CCND3: variants seen among roughly 807,000 people sequenced by gnomAD.
CCND3 encodes G1/S-specific cyclin-D3.
A neutral mutation model predicts 28.7 loss-of-function variants in CCND3; 9 were observed. The ratio of observed to expected loss-of-function variants is 0.31; its 90% CI spans 0.19 to 0.55. The LOEUF (loss-of-function observed/expected upper bound fraction) is 0.55, where lower values mean the gene tolerates loss of function less well. CCND3 is among the 20% of genes least tolerant of loss of function. CCND3 has a pLI of 0.93. For synonymous variants in CCND3, 164 were observed against 163.9 expected, an observed-to-expected ratio of 1.00 and a Z score of 0.00; for missense variants, 315 against 385.8, an observed-to-expected ratio of 0.82 and a Z score of 1.54.
chr6:42,004,657 G>A (rs1456530948), intron 1 of CCND3, among the ~76,000 whole-genome samples: 1 of 152,132 alleles, frequency 6.6e-6, no homozygotes, highest in Admixed American at 6.6e-5. Flanking sequence ...TTGAACCCGG[G>A]AGGCAGAAGT....
intron 1 of CCND3, among the ~76,000 whole-genome samples, chr6:41,997,294 C>T (rs1762837687): frequency 6.6e-6 from 1 of 152,150 alleles, no homozygotes; most frequent in African/African-American, 2.4e-5. Context: ...CCAGTTAGTA[C>T]TTTCAGAGGA....
chr6:41,945,886 G>C (rs6922494), upstream of CCND3, among the ~76,000 whole-genome samples: 1,802 of 152,310 alleles, frequency 0.012, 39 homozygotes, highest in African/African-American at 0.041. Flanking sequence ...TTTCTGAAAT[G>C]ATTATTATTA....
In CCND3 at chr6:42,009,531, G is replaced by A. The variant is rs1763276217; in HGVS notation, c.-46+38970C>T. Among the ~76,000 whole-genome samples the A allele has an allele frequency of 1.3e-5, 2 of 152,238 alleles. 1 individual carries two copies. Among genetic ancestry groups the A allele is most frequent in the South Asian group, 4.1e-4 (2 of 4,834 alleles). ...GGAGGCTGAGGCAAGAGAATCACTT[G>A]AATCTGGGAGGCGGAGGTTGCAGTG... On this transcript the variant is annotated intron_variant, in intron 1 of 4. Coordinates refer to the CCND3 transcript ENST00000372988.
At chr6:41,966,741 C>T (rs1227864426) in intron 1 of CCND3, among the ~76,000 whole-genome samples, 1 of 152,182 alleles carries the variant, frequency 6.6e-6, no homozygotes, top group African/African-American at 2.4e-5. Flanking sequence ...AATCAACCAT[C>T]TACTGAGTCA....
intron 1 of CCND3, among the ~76,000 whole-genome samples, chr6:41,974,911 G>C (rs568235708): frequency 1.3e-4 from 19 of 150,062 alleles, no homozygotes; most frequent in African/African-American, 4.4e-4. Context: ...TCCTGCCTCA[G>C]CCTCCCGAGT....
chr6:41,988,906 A>T (rs966276652), intron 1 of CCND3, among the ~76,000 whole-genome samples: 28 of 149,742 alleles, frequency 1.9e-4, no homozygotes, highest in African/African-American at 6.8e-4. Context: ...TCACTGTGTT[A>T]GCCAGGATGG....
intron 1 of CCND3, among the ~76,000 whole-genome samples, chr6:41,949,995 C>T (rs1052941438): frequency 8.7e-5 from 13 of 148,820 alleles, no homozygotes; most frequent in South Asian, 4.2e-4. Context: ...CCCAGCTACT[C>T]GGGAGGCTGA....
At chr6:41,976,333 C>T (rs1762184757) in intron 1 of CCND3, among the ~76,000 whole-genome samples, 1 of 151,192 alleles carries the variant, frequency 6.6e-6, no homozygotes, top group African/African-American at 2.4e-5. Flanking sequence ...GCCTGGGCGA[C>T]AGAGCAAGAC....
chr6:41,935,853 A>T lies in CCND3; in HGVS notation c.*87T>A. On this transcript the variant is annotated 3_prime_UTR_variant, in exon 5 of 5. Coordinates refer to ENST00000372991, the MANE Select transcript of CCND3 (RefSeq NM_001760.5). ...GGGGAACAGACGCCCCTTCAGGCTT[A>T]GATGTGGTGTGGTTCCTGGAGGCAG... is the stretch of plus-strand genomic sequence containing the variant. 3 of 1,253,488 alleles carry T rather than the reference A, an allele frequency of 2.4e-6. No individual in the cohort carries two copies. Among genetic ancestry groups the T allele is most frequent in the Non-Finnish European group, 3.4e-6 (3 of 879,938 alleles). 77.6% of individuals were successfully genotyped at this position (1,253,488 alleles called of 1,614,324 possible).
At chr6:41,959,256 G>A (rs1309129820) in intron 1 of CCND3, among the ~76,000 whole-genome samples, 2 of 152,170 alleles carry the variant, frequency 1.3e-5, no homozygotes, top group Non-Finnish European at 2.9e-5. Context: ...GGAGGTTGCG[G>A]TGAGCCGAGA....
chr6:42,013,849 G>A (rs774755586), intron 1 of CCND3, among the ~76,000 whole-genome samples: 13 of 151,968 alleles, frequency 8.6e-5, no homozygotes, highest in African/African-American at 2.2e-4. Context: ...CGAGGCAGGC[G>A]GATCACGAGG....
chr6:41,946,639 T>G (rs902982642), upstream of CCND3, among the ~76,000 whole-genome samples: 2 of 98,730 alleles, frequency 2.0e-5, no homozygotes, highest in Admixed American at 2.2e-4. Flanking sequence ...TAAACCAAAC[T>G]ACATATAATT....
rs966599535 is a variant in CCND3 at position 41,939,514 on chromosome 6, C to T, written c.414+856G>A. ...GGACAGAACCGGTGACTTTCCTGCC[C>T]GGCCTGAGCCCAGCCCAAGTTTCCA... On this transcript the variant is annotated intron_variant, in intron 2 of 4. Transcript: ENST00000372991. This position sits in a 1 kb window ranked among gnomAD's most constrained non-coding sequence, Gnocchi z 4.2. 1.3e-5 allele frequency among the ~76,000 whole-genome samples: 2 copies of T among 152,202 alleles called. No individual in the cohort carries two copies. The highest frequency in any genetic ancestry group is 3.8e-4 in the East Asian group (2 of 5,196).
At chr6:42,034,596 G>C (rs1413063238) in intron 1 of CCND3, among the ~76,000 whole-genome samples, 1 of 143,488 alleles carries the variant, frequency 7.0e-6, no homozygotes, top group Non-Finnish European at 1.5e-5. Context: ...CCCTGCCTCA[G>C]CCTCCCGAGT....
chr6:41,976,983 C>A (rs549325804), intron 1 of CCND3, among the ~76,000 whole-genome samples: 1 of 152,268 alleles, frequency 6.6e-6, no homozygotes, highest in Non-Finnish European at 1.5e-5. Flanking sequence ...AAGAACCGTA[C>A]AACAGTTGTA....
rs566568881 is a variant in CCND3 at position 41,990,362 on chromosome 6, T to A, written c.-45-49777A>T. ...GGAAGAATTAATATTGTTAAAATGATCGTATTACCAAAAGCAATCTACAGA... is the reference window on the plus strand; with the variant it reads ...GGAAGAATTAATATTGTTAAAATGAACGTATTACCAAAAGCAATCTACAGA... On this transcript the variant is annotated intron_variant, in intron 1 of 4. Coordinates refer to the CCND3 transcript ENST00000372988. Among the ~76,000 whole-genome samples, 3 of 152,176 alleles carry A rather than the reference T, an allele frequency of 2.0e-5. No homozygotes were observed. The South Asian group carries it at 6.2e-4, about 32-fold the overall frequency.
At chr6:42,020,006 C>T (rs1362495060) in intron 1 of CCND3, among the ~76,000 whole-genome samples, 2 of 152,064 alleles carry the variant, frequency 1.3e-5, no homozygotes, top group Admixed American at 6.6e-5. Context: ...TTGCCGGGAG[C>T]GGTGGCTCAC....
rs149810322 is a variant in CCND3, at chr6:41,951,367, A to T, written c.-45-10782T>A. 2.4e-3 allele frequency among the ~76,000 whole-genome samples: 358 copies of T among 151,788 alleles called. 1 individual carries two copies. The highest frequency in any genetic ancestry group is 7.8e-3 in the African/African-American group (322 of 41,440). The stretch of plus-strand genomic sequence containing the variant: ...CAAGAGATCGAGACCAACCTGGCCA[A>T]TATGGTGAAACCCCGTCTGTACTAA... On this transcript the variant is annotated intron_variant, in intron 1 of 4. Coordinates refer to the CCND3 transcript ENST00000372988.
At chr6:42,034,944 A>G (rs1018477012) in intron 1 of CCND3, among the ~76,000 whole-genome samples, 3 of 152,174 alleles carry the variant, frequency 2.0e-5, no homozygotes, top group Non-Finnish European at 4.4e-5. Context: ...CAAGAGTGCT[A>G]TATTTCAAGG....
Sources: allele counts gnomAD v4.1 joint callset (sites outside exome capture counted in the v4.1 genomes callset), GRCh38; gene constraint gnomAD v4.1.1; non-coding constraint Gnocchi (gnomAD v3.1); transcripts MANE v1.5; gene names NCBI Gene and HGNC (gene_info 2026-07-23, HGNC 2026-07-21).